Variants in NBPF19 observed in about 807,000 individuals in gnomAD.
NBPF19 encodes the protein NBPF family member NBPF19.
NBPF19 carries 30 observed loss-of-function variants against 45.9 expected under a neutral mutation model. That is an observed-to-expected ratio of 0.65 (90% CI 0.49 to 0.89). The LOEUF (loss-of-function observed/expected upper bound fraction) is 0.89, where lower values mean the gene tolerates loss of function less well. NBPF19 is among the 40% of genes least tolerant of loss of function. The probability of loss-of-function intolerance (pLI) is 0.00; values close to 1 mark genes in which losing one functional copy is unlikely to be tolerated. For synonymous variants in NBPF19, 183 were observed against 181.2 expected (o/e 1.01, Z -0.08); for missense variants, 495 against 471.8 (o/e 1.05, Z -0.46).
At chr1:149,479,566 A>G (rs1438390648) in intron 4 of NBPF19, among the ~76,000 whole-genome samples, 3 of 148,142 alleles carry the variant, frequency 2.0e-5, no homozygotes, top group Admixed American at 6.7e-5. Context: ...ACACTTACGA[A>G]TGCTTTTCAA....
In NBPF19 at chr1:149,487,477, G is replaced by T. The variant is rs1553710537; in HGVS notation, c.1040+94G>T. The T allele has an allele frequency of 3.8e-5, 37 of 983,958 alleles. 2 individuals are homozygous for T. Among genetic ancestry groups the T allele is most frequent in the Non-Finnish European group, 5.0e-5 (31 of 619,568 alleles). 61.0% of individuals were successfully genotyped at this position (983,958 alleles called of 1,614,324 possible). On this transcript the variant is annotated intron_variant, in intron 9 of 93. Transcript: ENST00000651566. ...AGTACATGCTGAAAATAATGATTTTGTCTTGTCAGACAAGTCTGAATTATG... is the reference window on the plus strand; with the variant it reads ...AGTACATGCTGAAAATAATGATTTTTTCTTGTCAGACAAGTCTGAATTATG...
intron 17 of NBPF19, 143 bp from the exon 18 acceptor site, chr1:149,494,175 T>G (rs2085992881): frequency 1.9e-6 from 1 of 529,630 alleles, no homozygotes; most frequent in Non-Finnish European, 3.2e-6. Flanking sequence ...TATCCCAACA[T>G]AAAGGCAATA....
Position 149,554,694 on chromosome 1 carries a change from A to C in NBPF19, c.11488A>C (p.Ser3830Arg). The change falls in exon 94 of 94, where the codon AGT (serine) becomes CGT (arginine). Residue 3830 changes from serine to arginine, a missense_variant. Coordinates refer to ENST00000651566, the MANE Select transcript of NBPF19 (RefSeq NM_001351365.2). ...TAGGTTTTTTACTTTGACGGTGACA[A>C]GTCTCCATCTGGTGTTCCAGATGTT... ...DNRFFTLTVT[S>R]LHLVFQMLVI... 1 of 1,608,260 alleles carries C rather than the reference A, an allele frequency of 6.2e-7. No homozygotes were observed. Among genetic ancestry groups the C allele is most frequent in the South Asian group, 1.1e-5 (1 of 90,894 alleles).
chr1:149,481,007 A>G, intron 6 of NBPF19, 123 bp downstream of exon 6: 1 of 1,159,210 alleles, frequency 8.6e-7, no homozygotes, highest in Non-Finnish European at 1.2e-6. Flanking sequence ...CTAAACAGAT[A>G]TCAGGGAGTT....
intron 61 of NBPF19, among the ~76,000 whole-genome samples, chr1:149,528,949 G>C (rs1384342551): frequency 3.0e-4 from 38 of 125,740 alleles, no homozygotes; most frequent in East Asian, 1.0e-3. Context: ...CTCTCTCTGT[G>C]TGTGTGTGTG....
Position 149,554,409 on chromosome 1 carries a change from T to C in NBPF19, c.11289-86T>C. 2.5e-6 allele frequency: 4 copies of C among 1,606,864 alleles called. 1 individual carries two copies. The highest frequency in any genetic ancestry group is 2.2e-5 in the East Asian group (1 of 44,846). The stretch of plus-strand genomic sequence containing the variant: ...TCTATCCTTTTTCTTTTCTAACCAC[T>C]TCCTTATGTGACTTCTGAAATCTAG... On this transcript the variant is annotated intron_variant, in intron 93 of 93. Transcript: ENST00000651566.
Position 149,487,369 on chromosome 1 carries a change from G to A in NBPF19, c.1026G>A (p.Glu342=). ...RWDQVKKEDQ[E]ATGPRLSREL... Reference sequence around the variant, plus strand: ...ATCAAGTGAAAAAGGAGGACCAAGAGGCAACAGGTCCCAGGTGAGTCTGAG... The same window carrying A: ...ATCAAGTGAAAAAGGAGGACCAAGAAGCAACAGGTCCCAGGTGAGTCTGAG... Residue 342 remains glutamate (E), a synonymous_variant, in exon 9 of 94, where the codon GAG becomes GAA. Coordinates refer to ENST00000651566, the MANE Select transcript of NBPF19 (RefSeq NM_001351365.2). 3 of 1,551,340 alleles carry A rather than the reference G, an allele frequency of 1.9e-6. No homozygotes were observed. Among genetic ancestry groups the A allele is most frequent in the Non-Finnish European group, 2.6e-6 (3 of 1,136,318 alleles).
rs1361519555 is a variant in NBPF19, at chr1:149,480,189, A to G, written c.541A>G (p.Lys181Glu). The change falls in exon 5 of 94, where the codon AAA (lysine) becomes GAA (glutamate). Residue 181 changes from lysine to glutamate, a missense_variant. Around this residue, in one of 8 missense-constraint regions of NBPF19, gnomAD observed 13 missense variants for 20.8 expected, o/e 0.62. Coordinates refer to ENST00000651566, the MANE Select transcript of NBPF19 (RefSeq NM_001351365.2). ...AGATGTTCAAGTTGAGGTGGCTGAGAAAGTGCAGAAATCGTCTGCCCCCAG... is the reference window on the plus strand; with the variant it reads ...AGATGTTCAAGTTGAGGTGGCTGAGGAAGTGCAGAAATCGTCTGCCCCCAG... ...DEDVQVEVAEKVQKSSAPREM... is the reference protein window; with the variant it reads ...DEDVQVEVAEEVQKSSAPREM... 3 of 720,314 alleles carry G rather than the reference A, an allele frequency of 4.2e-6. No individual in the cohort carries two copies. The highest frequency in any genetic ancestry group is 7.5e-6 in the Non-Finnish European group (3 of 399,672). The allele number at this position is 720,314 out of a possible 1,614,324, so 44.6% of individuals were successfully genotyped here.
chr1:149,538,382 C>T (rs1379139337), intron 73 of NBPF19, among the ~76,000 whole-genome samples: 1 of 13,352 alleles, frequency 7.5e-5, no homozygotes, highest in Non-Finnish European at 2.1e-4. Context: ...TCCTGTTACT[C>T]CCTCATCAGT....
At position 149,554,606 on chromosome 1, in the gene NBPF19, C is replaced by G; in HGVS notation, c.11400C>G (p.His3800Gln). 10 of 1,608,324 alleles carry G rather than the reference C, an allele frequency of 6.2e-6. 1 individual carries two copies. Among genetic ancestry groups the G allele is most frequent in the Non-Finnish European group, 8.5e-6 (10 of 1,176,782 alleles). Residue 3800 changes from histidine (H) to glutamine (Q), a missense_variant, in exon 94 of 94, where the codon CAC becomes CAG. His to Gln is a conservative substitution (Grantham distance 24). Transcript: ENST00000651566. ...TTGAACTACCTGACTCATTCCAGCA[C>G]TACAGAAGTGTGTTTTACTCATTTG... ...MYFELPDSFQ[H>Q]YRSVFYSFEE...
Position 149,488,434 on chromosome 1 carries a change from G to A in NBPF19, c.1213+249G>A, listed in dbSNP as rs1238833212. Among the ~76,000 whole-genome samples the A allele has an allele frequency of 2.2e-5, 3 of 139,044 alleles. 1 individual carries two copies. The highest frequency in any genetic ancestry group is 8.2e-5 in the African/African-American group (3 of 36,716). 91.2% of individuals were successfully genotyped at this position (139,044 alleles called of 152,430 possible). A position where few individuals can be genotyped will look rare whatever the true frequency, so the allele number is the denominator to read the frequency against. The stretch of plus-strand genomic sequence containing the variant: ...CCCTAATCCTACTCTCATGACGTTG[G>A]ACCTGGGCAGATGTGACAAATTCAC... On this transcript the variant is annotated intron_variant, in intron 10 of 93. Coordinates refer to ENST00000651566, the MANE Select transcript of NBPF19 (RefSeq NM_001351365.2).
chr1:149,481,473 A>ATTTTTTT, intron 6 of NBPF19, among the ~76,000 whole-genome samples: 1 of 66,766 alleles, frequency 1.5e-5, no homozygotes, highest in East Asian at 6.3e-4. Flanking sequence ...AGCATCGTGG[A>ATTTTTTT]TTTTTTTTTT....
intron 6 of NBPF19, among the ~76,000 whole-genome samples, chr1:149,481,546 T>C (rs2085192805): frequency 8.5e-6 from 1 of 117,502 alleles, no homozygotes; most frequent in Non-Finnish European, 1.7e-5. Context: ...AGTGGCACCA[T>C]CTTGGCTTGG....
chr1:149,487,309 G>T, intron 8 of NBPF19, 23 bp from the exon 9 acceptor site: 1 of 1,547,134 alleles, frequency 6.5e-7, no homozygotes, highest in South Asian at 1.1e-5. Flanking sequence ...AATGTAAGAG[G>T]GCCCATCTGA....
At chr1:149,487,676 T>C (rs1270802172) in intron 9 of NBPF19, among the ~76,000 whole-genome samples, 14 of 150,336 alleles carry the variant, frequency 9.3e-5, no homozygotes, top group African/African-American at 2.9e-4. Flanking sequence ...GGACATGCTT[T>C]TCATGATCAC....
chr1:149,554,455 T>C, intron 93 of NBPF19, 40 bp from the exon 94 acceptor site: 1 of 1,608,172 alleles, frequency 6.2e-7, no homozygotes, highest in South Asian at 1.1e-5. Context: ...TGGTGTCTGA[T>C]TTTCCCTGGC....
rs1442731598 is a variant in NBPF19, at chr1:149,477,695, G to A, written c.176-250G>A. Among the ~76,000 whole-genome samples, 1,415 of 151,358 alleles carry A rather than the reference G, an allele frequency of 9.3e-3. 56 individuals carry two copies. The highest frequency in any genetic ancestry group is 0.032 in the African/African-American group (1,336 of 41,258). On this transcript the variant is annotated intron_variant, in intron 2 of 93. Coordinates refer to ENST00000651566, the MANE Select transcript of NBPF19 (RefSeq NM_001351365.2). ...GGGCTGTGAGTTCTGACTCCACTTC[G>A]TTGTGGTTGAATCATCTTGTCAACT... is the stretch of plus-strand genomic sequence containing the variant.
At chr1:149,487,226 C>A (rs2085584428) in intron 8 of NBPF19, 106 bp from the exon 9 acceptor site, 2 of 832,844 alleles carry the variant, frequency 2.4e-6, no homozygotes, top group African/African-American at 3.3e-5. Flanking sequence ...GTCTCCTGTT[C>A]TCACACTGAC....
chr1:149,487,269 A>G lies in NBPF19; in HGVS notation c.989-63A>G, dbSNP rs1381783340. On this transcript the variant is annotated intron_variant, in intron 8 of 93. Coordinates refer to ENST00000651566, the MANE Select transcript of NBPF19 (RefSeq NM_001351365.2). ...ATGTCCCTGTGTTAGGATTGGACAG[A>G]GGAATGTTTCTGTGTGCAAGGAAGA... 5.8e-6 allele frequency: 7 copies of G among 1,207,800 alleles called. 1 individual carries two copies. Among genetic ancestry groups the G allele is most frequent in the Non-Finnish European group, 8.5e-6 (7 of 825,032 alleles). 74.8% of individuals were successfully genotyped at this position (1,207,800 alleles called of 1,614,324 possible).
Sources: gnomAD v4.1 joint callset for allele counts (sites outside exome capture counted in the v4.1 genomes callset) on GRCh38, gnomAD v4.1.1 for gene constraint, gnomAD v4.1.1 regional missense constraint, MANE v1.5 for transcripts, NCBI Gene and HGNC (gene_info 2026-07-23, HGNC 2026-07-21) for gene names.